Variants in SGTB observed in about 807,000 individuals in gnomAD.
SGTB encodes small glutamine-rich tetratricopeptide repeat-containing protein beta.
Under a neutral mutation model 43.9 loss-of-function variants are expected in SGTB, and 19 were observed. The ratio of observed to expected loss-of-function variants is 0.43; its 90% CI spans 0.30 to 0.63. The LOEUF is 0.63. SGTB is among the 30% of genes least tolerant of loss of function. SGTB has a pLI of 0.12. For synonymous variants in SGTB, 116 were observed against 117.3 expected (o/e 0.99, Z 0.07); for missense variants, 304 against 358.9 (o/e 0.85, Z 1.24).
chr5:65,671,711 C>T (rs1380967985), intron 10 of SGTB, among the ~76,000 whole-genome samples: 3 of 152,020 alleles, frequency 2.0e-5, no homozygotes, highest in Admixed American at 6.6e-5. Flanking sequence ...GCTGGCCAGA[C>T]TATCTAGGTA....
chr5:65,681,313 G>A (rs1757391799), intron 6 of SGTB, among the ~76,000 whole-genome samples: 2 of 152,072 alleles, frequency 1.3e-5, no homozygotes, highest in African/African-American at 4.8e-5. Flanking sequence ...AAAAGAGGTA[G>A]ATAAAATTAG....
intron 2 of SGTB, among the ~76,000 whole-genome samples, chr5:65,717,224 T>G (rs575403622): frequency 6.6e-6 from 1 of 152,170 alleles, no homozygotes; most frequent in East Asian, 1.9e-4. Flanking sequence ...TTAAGAAGAA[T>G]AGAAGGAGAG....
intron 8 of SGTB, among the ~76,000 whole-genome samples, chr5:65,675,629 C>G (rs1232472212): frequency 6.6e-6 from 1 of 152,192 alleles, no homozygotes; most frequent in Non-Finnish European, 1.5e-5. Context: ...GGAAGCCCAT[C>G]AGACTAACAG....
chr5:65,713,306 C>T (rs1452111583), intron 2 of SGTB, among the ~76,000 whole-genome samples: 2 of 152,106 alleles, frequency 1.3e-5, no homozygotes, highest in East Asian at 3.9e-4. Flanking sequence ...CTTCCCCTTC[C>T]CTCCCTTTCT....
chr5:65,711,592 G>C (rs1328523285), intron 3 of SGTB, among the ~76,000 whole-genome samples: 1 of 152,198 alleles, frequency 6.6e-6, no homozygotes, highest in Non-Finnish European at 1.5e-5. Flanking sequence ...AAGAAAAAGG[G>C]AGCTCCCTGA....
At chr5:65,674,729 T>C (rs1340615233) in intron 8 of SGTB, among the ~76,000 whole-genome samples, 1 of 152,180 alleles carries the variant, frequency 6.6e-6, no homozygotes, top group Non-Finnish European at 1.5e-5. Flanking sequence ...CATAGCAGCT[T>C]GGAGCCTAAG....
At chr5:65,693,375 GAGAA>G (rs970684921) in intron 5 of SGTB, among the ~76,000 whole-genome samples, 7 of 146,348 alleles carry the variant, frequency 4.8e-5, no homozygotes, top group Non-Finnish European at 9.1e-5. Context: ...AAGAAAGAAA[GAGAA>G]AGGGAGGGAG....
At chr5:65,702,275 CA>C (rs1757839998) in intron 5 of SGTB, among the ~76,000 whole-genome samples, 1 of 152,084 alleles carries the variant, frequency 6.6e-6, no homozygotes, top group Admixed American at 6.5e-5. Context: ...AAGACCAAAA[CA>C]ACAGTATGTG....
chr5:65,671,528 C>T (rs1757152540), intron 10 of SGTB, among the ~76,000 whole-genome samples: 1 of 151,842 alleles, frequency 6.6e-6, no homozygotes, highest in Non-Finnish European at 1.5e-5. Context: ...AAATTATCTA[C>T]TTTTCTAATA....
intron 5 of SGTB, among the ~76,000 whole-genome samples, chr5:65,702,187 A>T (rs1757838285): frequency 6.6e-6 from 1 of 152,140 alleles, no homozygotes; most frequent in Non-Finnish European, 1.5e-5. Flanking sequence ...GCAATCCAGA[A>T]ATTCACAACA....
At chr5:65,693,278 A>G (rs1007239894) in intron 5 of SGTB, among the ~76,000 whole-genome samples, 1 of 150,470 alleles carries the variant, frequency 6.6e-6, no homozygotes, top group African/African-American at 2.4e-5. Context: ...GGAACGAAGG[A>G]GAGAGAGCAA....
intron 8 of SGTB, among the ~76,000 whole-genome samples, chr5:65,676,568 C>G (rs1757268506): frequency 6.6e-6 from 1 of 152,136 alleles, no homozygotes; most frequent in African/African-American, 2.4e-5. Flanking sequence ...CTGACCTCAG[C>G]TCTGGATCAA....
chr5:65,720,704 A>G lies in SGTB; in HGVS notation c.100+4T>C, dbSNP rs1579893457. 6.2e-7 allele frequency: 1 copy of G among 1,611,770 alleles called. No individual in the cohort carries two copies. On this transcript the variant is annotated splice_donor_region_variant and intron_variant, in intron 2 of 10. Transcript: ENST00000381007. ...ATAAATGAACACAAAGAGCAGATGC[A>G]TACCTTCCAAACTTTCTTGTTCATC...
chr5:65,701,033 AAAG>A lies in SGTB; in HGVS notation c.374+3243_374+3245del. ...TCAAAAAAAAAAAAAAAAAAAAAAAAAAGAATCATAATTATTCCGGAATTACCC... is the reference window on the plus strand; with the variant it reads ...TCAAAAAAAAAAAAAAAAAAAAAAAAAATCATAATTATTCCGGAATTACCC... On this transcript the variant is annotated intron_variant, in intron 5 of 10. Coordinates refer to ENST00000381007, the MANE Select transcript of SGTB (RefSeq NM_019072.3). Among the ~76,000 whole-genome samples the A allele has an allele frequency of 2.7e-5, 4 of 149,768 alleles. 1 individual carries two copies. The highest frequency in any genetic ancestry group is 2.1e-4 in the South Asian group (1 of 4,808).
chr5:65,722,560 C>A, upstream of SGTB: 1 of 708,244 alleles, frequency 1.4e-6, no homozygotes, highest in South Asian at 2.0e-5. Flanking sequence ...CAAGGTGGAC[C>A]CCTGGGGGAC....
chr5:65,694,739 A>G (rs1757686304), intron 5 of SGTB, among the ~76,000 whole-genome samples: 1 of 152,090 alleles, frequency 6.6e-6, no homozygotes. Context: ...CGGCCTCCCA[A>G]AGCATAATGG....
chr5:65,677,373 G>A (rs1352660847), intron 8 of SGTB, among the ~76,000 whole-genome samples: 1 of 149,808 alleles, frequency 6.7e-6, no homozygotes, highest in Non-Finnish European at 1.5e-5. Context: ...AAAAGCCCAG[G>A]ACCAGACGAA....
intron 1 of SGTB, among the ~76,000 whole-genome samples, chr5:65,721,172 G>A (rs948697143): frequency 2.0e-5 from 3 of 152,096 alleles, no homozygotes; most frequent in African/African-American, 7.2e-5. Flanking sequence ...TAAGTTAAGA[G>A]GCATTTCATA....
chr5:65,680,840 C>T (rs1757382223), intron 6 of SGTB, 46 bp from the exon 7 acceptor site: 2 of 1,567,218 alleles, frequency 1.3e-6, no homozygotes. Context: ...GATTAAAGAA[C>T]ATCAGGACAT....
Sources: allele counts gnomAD v4.1 joint callset (sites outside exome capture counted in the v4.1 genomes callset), GRCh38; gene constraint gnomAD v4.1.1; transcripts MANE v1.5; gene names NCBI Gene and HGNC (gene_info 2026-07-23, HGNC 2026-07-21).